ILDR1: variants seen among roughly 807,000 people sequenced by gnomAD.
ILDR1 encodes immunoglobulin-like domain-containing receptor 1.
ILDR1 carries 56 observed loss-of-function variants against 62.4 expected under a neutral mutation model. That is an observed-to-expected ratio of 0.90 (90% CI 0.72 to 1.12). The LOEUF is 1.12. ILDR1 is among the 50% of genes most tolerant of loss of function. The pLI, the probability that ILDR1 is intolerant of heterozygous loss-of-function variation, is 0.00. For synonymous variants in ILDR1, 284 were observed against 277.8 expected, an observed-to-expected ratio of 1.02 and a Z score of -0.22; for missense variants, 736 against 710.6, an observed-to-expected ratio of 1.04 and a Z score of -0.41.
upstream of ILDR1, among the ~76,000 whole-genome samples, chr3:122,023,421 T>A (rs1171886353): frequency 6.6e-6 from 1 of 152,132 alleles, no homozygotes; most frequent in Non-Finnish European, 1.5e-5. Flanking sequence ...TGAATAAAAA[T>A]TCATTAAATT....
chr3:122,007,327 G>A lies in ILDR1; in HGVS notation c.59-166C>T, dbSNP rs867292053. 168 of 1,510,862 alleles carry A rather than the reference G, an allele frequency of 1.1e-4. No homozygotes were observed. The Middle Eastern group carries it at 4.5e-3, about 40-fold the overall frequency. 93.6% of individuals were successfully genotyped at this position (1,510,862 alleles called of 1,614,324 possible). A position where few individuals can be genotyped will look rare whatever the true frequency, so the allele number is the denominator to read the frequency against. ...CTCACCTGGGCAGGCTATGGGTGGG[G>A]TGGGGTGAGAACGCACTCAGCAGCC... On this transcript the variant is annotated intron_variant, in intron 1 of 7. Coordinates refer to ENST00000344209, the MANE Select transcript of ILDR1 (RefSeq NM_001199799.2).
chr3:121,989,911 C>CA (rs1031777753), intron 7 of ILDR1, among the ~76,000 whole-genome samples: 2 of 151,994 alleles, frequency 1.3e-5, no homozygotes, highest in African/African-American at 4.8e-5. Flanking sequence ...TGAACAACAA[C>CA]AAAAAAAGTT....
At chr3:122,006,699 G>A (rs1428162031) in intron 2 of ILDR1, among the ~76,000 whole-genome samples, 1 of 152,096 alleles carries the variant, frequency 6.6e-6, no homozygotes. Context: ...CATGGAACCA[G>A]GAATGGACAG....
At chr3:122,038,945 C>A in the ILDR1 span, among the ~76,000 whole-genome samples, 1 of 151,828 alleles carries the variant, frequency 6.6e-6, no homozygotes, top group African/African-American at 2.4e-5. Flanking sequence ...TTGTTATCTA[C>A]CCTGTGTGTA....
At chr3:122,057,379 A>C in the ILDR1 span, among the ~76,000 whole-genome samples, 2 of 152,252 alleles carry the variant, frequency 1.3e-5, no homozygotes, top group African/African-American at 4.8e-5. Context: ...TTGGATGATT[A>C]TGGAACATCC....
chr3:122,011,654 T>TTCTC (rs142396206), intron 1 of ILDR1, among the ~76,000 whole-genome samples: 3 of 67,630 alleles, frequency 4.4e-5, no homozygotes, highest in East Asian at 2.6e-4. Flanking sequence ...CTGTCTCTCT[T>TTCTC]TCTCTCTCTC....
At chr3:122,036,537 C>T in the ILDR1 span, among the ~76,000 whole-genome samples, 8 of 150,106 alleles carry the variant, frequency 5.3e-5, no homozygotes, top group African/African-American at 1.7e-4. Flanking sequence ...TGCAGTGAGC[C>T]GAGATCATGC....
the ILDR1 span, among the ~76,000 whole-genome samples, chr3:122,033,246 G>A: frequency 2.0e-5 from 3 of 151,646 alleles, no homozygotes; most frequent in East Asian, 1.9e-4. Flanking sequence ...ATGACTAATA[G>A]CATTGAACAC....
At chr3:122,011,586 G>T (rs1457235524) in intron 1 of ILDR1, among the ~76,000 whole-genome samples, 1 of 149,868 alleles carries the variant, frequency 6.7e-6, no homozygotes, top group African/African-American at 2.5e-5. Context: ...CTCTCTCCAG[G>T]GGTCTGCCAG....
chr3:122,060,857 G>A, the ILDR1 span, among the ~76,000 whole-genome samples: 1 of 152,052 alleles, frequency 6.6e-6, no homozygotes, highest in Non-Finnish European at 1.5e-5. Context: ...GGTGAATCTG[G>A]TGAGATAAAG....
intron 1 of ILDR1, among the ~76,000 whole-genome samples, chr3:122,016,540 CA>C (rs1191222518): frequency 6.6e-6 from 1 of 152,156 alleles, no homozygotes; most frequent in East Asian, 1.9e-4. Flanking sequence ...CTAGTACAGC[CA>C]GACAAAAAGC....
chr3:122,029,511 A>AAAAAAAAAT, the ILDR1 span, among the ~76,000 whole-genome samples: 258 of 139,496 alleles, frequency 1.8e-3, 2 homozygotes, highest in African/African-American at 6.8e-3. Flanking sequence ...GTCTAAAAAA[A>AAAAAAAAAT]ATATATATAT....
chr3:121,994,700 G>A (rs1171055608), intron 5 of ILDR1, among the ~76,000 whole-genome samples: 1 of 152,196 alleles, frequency 6.6e-6, no homozygotes, highest in Non-Finnish European at 1.5e-5. Flanking sequence ...AGAAACAGAA[G>A]GTCCAGATGC....
chr3:122,008,600 T>C (rs1319124894), intron 1 of ILDR1, among the ~76,000 whole-genome samples: 3 of 134,794 alleles, frequency 2.2e-5, no homozygotes, highest in African/African-American at 8.1e-5. Context: ...TTTCTTTTTT[T>C]TTTTTTTTTT....
intron 5 of ILDR1, among the ~76,000 whole-genome samples, chr3:121,994,741 G>A (rs1420538654): frequency 6.6e-6 from 1 of 152,226 alleles, no homozygotes; most frequent in Non-Finnish European, 1.5e-5. Flanking sequence ...TGAGTCAGGG[G>A]CTGGGGGCAT....
chr3:121,991,125 G>A (rs2071338328), intron 7 of ILDR1, among the ~76,000 whole-genome samples: 1 of 152,098 alleles, frequency 6.6e-6, no homozygotes, highest in Non-Finnish European at 1.5e-5. Flanking sequence ...GCTTGAACTG[G>A]GGAGGCAGAG....
chr3:122,021,924 TC>T, intron 1 of ILDR1, 95 bp downstream of exon 1: 1 of 1,238,232 alleles, frequency 8.1e-7, no homozygotes, highest in African/African-American at 1.5e-5. Context: ...GGCCCAGGCC[TC>T]CACTGCCCTG....
the ILDR1 span, among the ~76,000 whole-genome samples, chr3:122,045,201 G>T: frequency 1.3e-5 from 2 of 149,912 alleles, no homozygotes; most frequent in African/African-American, 4.9e-5. Context: ...GGAGCAGGTT[G>T]TTCAGTTTCC....
chr3:122,002,755 C>T (rs1229149250), intron 3 of ILDR1, among the ~76,000 whole-genome samples: 2 of 152,050 alleles, frequency 1.3e-5, no homozygotes, highest in Admixed American at 6.6e-5. Flanking sequence ...TGCTTCCTGA[C>T]GCTCTCCCTC....
Sources: allele counts gnomAD v4.1 joint callset (sites outside exome capture counted in the v4.1 genomes callset), GRCh38; gene constraint gnomAD v4.1.1; transcripts MANE v1.5; gene names NCBI Gene and HGNC (gene_info 2026-07-23, HGNC 2026-07-21).